Variants in PTBP3 observed in about 807,000 individuals in gnomAD.
PTBP3 encodes the protein polypyrimidine tract-binding protein 3.
Under a neutral mutation model 58.7 loss-of-function variants are expected in PTBP3, and 20 were observed. The ratio of observed to expected loss-of-function variants is 0.34; its 90% CI spans 0.24 to 0.50. PTBP3 has a LOEUF of 0.50. Among genes scored for constraint, PTBP3 ranks in the 20% least tolerant of loss-of-function variants. PTBP3 has a pLI of 0.98. For synonymous variants in PTBP3, 185 were observed against 219.8 expected (o/e 0.84, Z 1.40); for missense variants, 509 against 637.2 (o/e 0.80, Z 2.17).
intron 3 of PTBP3, 115 bp from the exon 4 acceptor site, chr9:112,268,310 T>A (rs4500150): frequency 0.48 from 482,099 of 1,000,466 alleles, 122,248 homozygotes; most frequent in African/African-American, 0.82. Flanking sequence ...AAATGACATT[T>A]CCCCCAAGGG....
upstream of PTBP3, among the ~76,000 whole-genome samples, chr9:112,335,575 C>T (rs1236274696): frequency 4.1e-5 from 6 of 147,212 alleles, no homozygotes; most frequent in Non-Finnish European, 7.5e-5. Flanking sequence ...TGAGCCACCG[C>T]ACCCAGCGAC....
chr9:112,331,199 A>C (rs1246284216), intron 1 of PTBP3, among the ~76,000 whole-genome samples: 1 of 151,830 alleles, frequency 6.6e-6, no homozygotes, highest in Non-Finnish European at 1.5e-5. Context: ...TTTTTTAACT[A>C]CCCAAATAAG....
chr9:112,258,267 G>C (rs1836456066), intron 5 of PTBP3, among the ~76,000 whole-genome samples: 1 of 152,102 alleles, frequency 6.6e-6, no homozygotes, highest in Non-Finnish European at 1.5e-5. Flanking sequence ...CTTCTTTCAT[G>C]CACAATGACA....
intron 1 of PTBP3, among the ~76,000 whole-genome samples, chr9:112,317,687 G>A (rs561788088): frequency 3.3e-5 from 5 of 152,256 alleles, no homozygotes; most frequent in East Asian, 1.9e-4. Context: ...AGTGGCTCAC[G>A]CTTGTAATCC....
In PTBP3 at chr9:112,332,715, G is replaced by A. The variant is rs925002390; in HGVS notation, c.-52+755C>T. On this transcript the variant is annotated intron_variant, in intron 1 of 13. Transcript: ENST00000374257. ...CTCTAAATCTTTTTATTTTGGTCAC[G>A]GACCCCCATTAAATTTTTGAGCATT... 1.5e-5 allele frequency: 24 copies of A among 1,571,040 alleles called. No individual in the cohort carries two copies. The African/African-American group carries it at 2.7e-4, about 18-fold the overall frequency.
At chr9:112,360,218 C>T in the PTBP3 span, among the ~76,000 whole-genome samples, 1 of 152,144 alleles carries the variant, frequency 6.6e-6, no homozygotes, top group Non-Finnish European at 1.5e-5. Flanking sequence ...GGGTCTTGCT[C>T]TGTTGCCCAG....
chr9:112,307,890 C>CT (rs1205220587), intron 1 of PTBP3, among the ~76,000 whole-genome samples: 6 of 152,346 alleles, frequency 3.9e-5, no homozygotes, highest in African/African-American at 1.4e-4. Flanking sequence ...CACAGGATGG[C>CT]TTTGAGTGCC....
At chr9:112,249,567 C>T (rs1252670071) in intron 7 of PTBP3, among the ~76,000 whole-genome samples, 1 of 152,086 alleles carries the variant, frequency 6.6e-6, no homozygotes, top group African/African-American at 2.4e-5. Flanking sequence ...GCATTGTTCT[C>T]TCTCTGATGA....
intron 12 of PTBP3, 76 bp downstream of exon 12, chr9:112,227,335 A>T: frequency 6.8e-7 from 1 of 1,471,932 alleles, no homozygotes; most frequent in Non-Finnish European, 9.5e-7. Context: ...ACAATTTCAG[A>T]AGTTTTAACC....
At chr9:112,252,491 A>G (rs1203388209) in intron 6 of PTBP3, 187 bp downstream of exon 6, 11 of 571,520 alleles carry the variant, frequency 1.9e-5, no homozygotes, top group Non-Finnish European at 3.4e-5. Context: ...AGACCGTTTC[A>G]TATGAAGTAG....
intron 1 of PTBP3, among the ~76,000 whole-genome samples, chr9:112,314,561 G>A (rs940192411): frequency 1.3e-5 from 2 of 152,070 alleles, no homozygotes; most frequent in East Asian, 1.9e-4. Flanking sequence ...CAGAGACAGC[G>A]GTGTGTACCT....
intron 1 of PTBP3, among the ~76,000 whole-genome samples, chr9:112,301,627 T>C (rs1453972388): frequency 6.6e-6 from 1 of 152,174 alleles, no homozygotes; most frequent in Non-Finnish European, 1.5e-5. Flanking sequence ...TAGGTGATTA[T>C]AAATGGTACC....
chr9:112,365,840 A>G, the PTBP3 span, among the ~76,000 whole-genome samples: 5 of 152,220 alleles, frequency 3.3e-5, no homozygotes, highest in Admixed American at 3.3e-4. Flanking sequence ...TCAGATGGAG[A>G]TGAGAAACTT....
At chr9:112,345,341 TAAAAAAA>T in the PTBP3 span, among the ~76,000 whole-genome samples, 59 of 63,680 alleles carry the variant, frequency 9.3e-4, no homozygotes, top group Admixed American at 2.1e-3. Context: ...CCCTCATCTC[TAAAAAAA>T]AAAAAAAAAA....
intron 12 of PTBP3, 37 bp downstream of exon 12, chr9:112,227,374 C>T (rs1338259208): frequency 6.4e-7 from 1 of 1,566,606 alleles, no homozygotes; most frequent in African/African-American, 1.4e-5. Flanking sequence ...GTAGATTATT[C>T]ATCATCTAAG....
chr9:112,292,952 G>A (rs762053847), intron 2 of PTBP3, among the ~76,000 whole-genome samples: 6 of 151,822 alleles, frequency 4.0e-5, no homozygotes, highest in Admixed American at 6.6e-5. Flanking sequence ...CAAACACGGT[G>A]AAACACACAA....
chr9:112,346,926 G>A, the PTBP3 span, among the ~76,000 whole-genome samples: 1 of 152,136 alleles, frequency 6.6e-6, no homozygotes, highest in South Asian at 2.1e-4. Flanking sequence ...GTTTCGCCAT[G>A]TTGGCCAGGC....
chr9:112,256,272 A>AATATATATACATAT (rs1260010370), intron 5 of PTBP3, among the ~76,000 whole-genome samples: 201 of 82,736 alleles, frequency 2.4e-3, no homozygotes, highest in African/African-American at 5.7e-3. Flanking sequence ...AAAAAAACAA[A>AATATATATACATAT]ATATATATAT....
intron 4 of PTBP3, 103 bp downstream of exon 4, chr9:112,267,946 C>A: frequency 8.9e-7 from 1 of 1,128,538 alleles, no homozygotes; most frequent in East Asian, 2.6e-5. Flanking sequence ...GTAAAGTATC[C>A]TAAAATGAAT....
Sources: gnomAD v4.1 joint callset for allele counts (sites outside exome capture counted in the v4.1 genomes callset) on GRCh38, gnomAD v4.1.1 for gene constraint, MANE v1.5 for transcripts, NCBI Gene and HGNC (gene_info 2026-07-23, HGNC 2026-07-21) for gene names.